Variants in ADARB1 observed in about 807,000 individuals in gnomAD.
The protein encoded by ADARB1 is double-stranded RNA-specific editase 1.
A neutral mutation model predicts 52.4 loss-of-function variants in ADARB1; 10 were observed. The observed-to-expected ratio is 0.19, with a 90% CI of 0.12 to 0.32. ADARB1 has a LOEUF of 0.32. Among genes scored for constraint, ADARB1 ranks in the 10% least tolerant of loss-of-function variants. ADARB1 has a pLI of 1.00. For synonymous variants in ADARB1, 349 were observed against 371.1 expected (o/e 0.94, Z 0.68); for missense variants, 643 against 922.3 (o/e 0.70, Z 3.92).
intron 2 of ADARB1, among the ~76,000 whole-genome samples, chr21:45,130,478 T>C (rs2088864923): frequency 6.6e-6 from 1 of 152,264 alleles, no homozygotes; most frequent in Non-Finnish European, 1.5e-5. Context: ...TACTAAATGC[T>C]AGCTGCGAAT....
intron 8 of ADARB1, among the ~76,000 whole-genome samples, chr21:45,185,403 A>G (rs2092070153): frequency 6.6e-6 from 1 of 152,232 alleles, no homozygotes; most frequent in African/African-American, 2.4e-5. Context: ...AGGCCATGAC[A>G]TCTTAAAACT....
intron 2 of ADARB1, among the ~76,000 whole-genome samples, chr21:45,154,690 T>A (rs1768699397): frequency 6.6e-6 from 1 of 152,212 alleles, no homozygotes. Context: ...GACTGTTGAC[T>A]GTGTGTGAGC....
chr21:45,152,037 G>GT (rs1447545355), intron 2 of ADARB1, among the ~76,000 whole-genome samples: 3 of 152,158 alleles, frequency 2.0e-5, no homozygotes, highest in Non-Finnish European at 4.4e-5. Flanking sequence ...GGGGCGGGGG[G>GT]ATCCATTTGT....
rs1181966157 is a variant in ADARB1 at position 45,172,867 on chromosome 21, C to T, written c.28+1183C>T. On this transcript the variant is annotated intron_variant, in intron 3 of 10. Transcript: ENST00000348831. This position sits in a 1 kb window ranked among gnomAD's most constrained non-coding sequence, Gnocchi z 4.4. ...GGTTTTTATCCTCATCAATCCTGCT[C>T]TTGAGATCTTTTAAAAACCCAGCTT... Among the ~76,000 whole-genome samples, 3 of 152,210 alleles carry T rather than the reference C, an allele frequency of 2.0e-5. No homozygotes were observed. The East Asian group carries it at 5.8e-4, about 29-fold the overall frequency.
rs2092042020 is a variant in ADARB1, at chr21:45,184,679, G to C, written c.1397-244G>C. 6 of 397,316 alleles carry C rather than the reference G, an allele frequency of 1.5e-5. No individual in the cohort carries two copies. The South Asian group carries it at 1.5e-4, about 10-fold the overall frequency. 24.6% of individuals were successfully genotyped at this position (397,316 alleles called of 1,614,324 possible). A position where few individuals can be genotyped will look rare whatever the true frequency, so the allele number is the denominator to read the frequency against. Reference sequence around the variant, plus strand: ...TTGCCCAGGCTGGTCTTAAACTCCTGGGCTCAAGCGATCCACCTGCCTCAG... The same window carrying C: ...TTGCCCAGGCTGGTCTTAAACTCCTCGGCTCAAGCGATCCACCTGCCTCAG... On this transcript the variant is annotated intron_variant, in intron 7 of 10. Coordinates refer to ENST00000348831, the MANE Select transcript of ADARB1 (RefSeq NM_001112.4).
At chr21:45,114,885 G>T (rs925529243) in intron 1 of ADARB1, among the ~76,000 whole-genome samples, 1 of 152,356 alleles carries the variant, frequency 6.6e-6, no homozygotes. Context: ...CTGCATTGCT[G>T]GATCTTCAAG....
At chr21:45,205,025 A>T (rs2092639074) in intron 9 of ADARB1, among the ~76,000 whole-genome samples, 1 of 152,188 alleles carries the variant, frequency 6.6e-6, no homozygotes, top group South Asian at 2.1e-4. Context: ...TGGGAGGCCA[A>T]GGCCTAGTGG....
intron 2 of ADARB1, among the ~76,000 whole-genome samples, chr21:45,161,911 C>T (rs1274650956): frequency 6.6e-6 from 1 of 152,202 alleles, no homozygotes; most frequent in Non-Finnish European, 1.5e-5. Flanking sequence ...TAGCTGCCCA[C>T]TGTGGGTCTC....
At chr21:45,156,851 A>G (rs2090684153) in intron 2 of ADARB1, among the ~76,000 whole-genome samples, 1 of 152,126 alleles carries the variant, frequency 6.6e-6, no homozygotes, top group South Asian at 2.1e-4. Context: ...GCCACCTGAA[A>G]TCCCACTAGG....
At chr21:45,163,012 C>T (rs1045144892) in intron 2 of ADARB1, among the ~76,000 whole-genome samples, 11 of 152,226 alleles carry the variant, frequency 7.2e-5, no homozygotes, top group Non-Finnish European at 1.2e-4. Context: ...CTTGCCCACT[C>T]GGCCAACTGT....
At chr21:45,169,263 G>A (rs2091385220) in intron 2 of ADARB1, among the ~76,000 whole-genome samples, 1 of 152,246 alleles carries the variant, frequency 6.6e-6, no homozygotes, top group South Asian at 2.1e-4. Context: ...CACCCAACAA[G>A]GGGACTCTGG....
chr21:45,162,293 A>G (rs2091013320), intron 2 of ADARB1, among the ~76,000 whole-genome samples: 1 of 152,162 alleles, frequency 6.6e-6, no homozygotes. Flanking sequence ...GTTCAGCTGC[A>G]GCCTTGCAGG....
intron 1 of ADARB1, among the ~76,000 whole-genome samples, chr21:45,079,446 G>A (rs572709616): frequency 6.6e-6 from 1 of 152,346 alleles, no homozygotes; most frequent in South Asian, 2.1e-4. Flanking sequence ...TTGGTGCCAG[G>A]TATGAGATAG....
chr21:45,161,312 C>T (rs2090951597), intron 2 of ADARB1, among the ~76,000 whole-genome samples: 1 of 152,236 alleles, frequency 6.6e-6, no homozygotes, highest in Admixed American at 6.5e-5. Flanking sequence ...CATCCCTGCA[C>T]TCACCAGGGC....
intron 1 of ADARB1, among the ~76,000 whole-genome samples, chr21:45,125,898 T>C (rs1266896830): frequency 6.6e-6 from 1 of 152,250 alleles, no homozygotes; most frequent in Non-Finnish European, 1.5e-5. Flanking sequence ...TCTCCCTGAC[T>C]TGTTCAGGTA....
intron 2 of ADARB1, among the ~76,000 whole-genome samples, chr21:45,154,937 C>G (rs910810797): frequency 1.3e-5 from 2 of 152,202 alleles, no homozygotes; most frequent in African/African-American, 2.4e-5. Context: ...GCCTCATTCA[C>G]TCACAGCACT....
rs941875718 is a variant in ADARB1, at chr21:45,222,009, C to T, written c.1927-9C>T. 1.2e-5 allele frequency: 19 copies of T among 1,611,838 alleles called. No individual in the cohort carries two copies. The highest frequency in any genetic ancestry group is 1.5e-5 in the Non-Finnish European group (18 of 1,179,028). On this transcript the variant is annotated splice_polypyrimidine_tract_variant and intron_variant, in intron 10 of 10. Transcript: ENST00000348831. The stretch of plus-strand genomic sequence containing the variant: ...CAACAGTTGCATTTGTTTTTTTATC[C>T]CTTCACAGGTTCCCTCCCACTTACT...
chr21:45,100,288 C>T (rs2086942904), intron 1 of ADARB1, among the ~76,000 whole-genome samples: 2 of 152,142 alleles, frequency 1.3e-5, no homozygotes. Flanking sequence ...AGTAGACAGG[C>T]TGGGCTTACT....
chr21:45,143,898 C>T (rs1397567518), intron 2 of ADARB1, among the ~76,000 whole-genome samples: 1 of 152,228 alleles, frequency 6.6e-6, no homozygotes, highest in African/African-American at 2.4e-5. Context: ...TGTCCCCTGA[C>T]ACTTGACGGC....
Sources: allele counts gnomAD v4.1 joint callset (sites outside exome capture counted in the v4.1 genomes callset), GRCh38; gene constraint gnomAD v4.1.1; non-coding constraint Gnocchi (gnomAD v3.1); transcripts MANE v1.5; gene names NCBI Gene and HGNC (gene_info 2026-07-23, HGNC 2026-07-21).